Variants in ZNF800 observed in about 807,000 individuals in gnomAD.
The protein encoded by ZNF800 is zinc finger protein 800.
A neutral mutation model predicts 59.5 loss-of-function variants in ZNF800; 13 were observed. The observed-to-expected ratio is 0.22, with a 90% CI of 0.14 to 0.35. ZNF800 has a LOEUF of 0.35. Ranked by LOEUF, ZNF800 falls within the 10% of genes least tolerant of loss-of-function variation. The pLI, the probability that ZNF800 is intolerant of heterozygous loss-of-function variation, is 1.00. For missense variants in ZNF800, 621 were observed against 783.7 expected (o/e 0.79, Z 2.48); for synonymous variants, 266 against 265.7 (o/e 1.00, Z -0.01).
rs759406657 is a variant in ZNF800, at chr7:127,373,728, T to G, written c.1608A>C (p.Arg536=). 6.2e-7 allele frequency: 1 copy of G among 1,614,194 alleles called. No homozygotes were observed. Among genetic ancestry groups the G allele is most frequent in the Non-Finnish European group, 8.5e-7 (1 of 1,180,026 alleles). The change falls in exon 5 of 6, where the codon CGA becomes CGC. Residue 536 remains arginine, a synonymous_variant. Transcript: ENST00000265827. ...ACTTTTTATGAACCACAGTTATATG[T>G]CGTATCACATCACGTTTCCGACGAG... is the stretch of plus-strand genomic sequence containing the variant. ...YETRRKRDVI[R]HITVVHKKSS...
chr7:127,391,621 G>C lies in ZNF800; in HGVS notation c.-58-6C>G. The C allele has an allele frequency of 1.3e-6, 2 of 1,498,618 alleles. No individual in the cohort carries two copies. Among genetic ancestry groups the C allele is most frequent in the Non-Finnish European group, 1.9e-6 (2 of 1,075,882 alleles). The allele number at this position is 1,498,618 out of a possible 1,614,324, so 92.8% of individuals were successfully genotyped here. ...AGCTCTTCATTGCGGCGTGGCTGTTGAAAGAAGCACAAACCCGTCACTCGC... is the reference window on the plus strand; with the variant it reads ...AGCTCTTCATTGCGGCGTGGCTGTTCAAAGAAGCACAAACCCGTCACTCGC... On this transcript the variant is annotated splice_polypyrimidine_tract_variant and splice_region_variant and intron_variant, in intron 1 of 5. Transcript: ENST00000265827.
intron 2 of ZNF800, among the ~76,000 whole-genome samples, chr7:127,388,390 A>T (rs1381880480): frequency 1.3e-5 from 2 of 152,244 alleles, no homozygotes; most frequent in African/African-American, 4.8e-5. Flanking sequence ...TTTGCACATT[A>T]TAGCAACAGG....
intron 5 of ZNF800, among the ~76,000 whole-genome samples, chr7:127,372,286 G>C (rs1213994899): frequency 6.6e-6 from 1 of 151,918 alleles, no homozygotes; most frequent in Non-Finnish European, 1.5e-5. Flanking sequence ...TTTGAGACCA[G>C]CCTGACCAAC....
Position 127,377,321 on chromosome 7 carries a change from G to C in ZNF800, c.166C>G (p.Gln56Glu). Residue 56 changes from glutamine to glutamate, a missense_variant, in exon 4 of 6, where the codon CAA becomes GAA. This residue lies in a region of ZNF800 where 57 missense variants were observed against 77.1 expected (regional missense o/e 0.74). Coordinates refer to ENST00000265827, the MANE Select transcript of ZNF800 (RefSeq NM_176814.5). This position sits in a 1 kb window ranked among gnomAD's most constrained non-coding sequence, Gnocchi z 4.7. ...TCTTTTAATAAAATATGCTTAAGTT[G>C]TTTAGTTCCTGAGAGAAAAAAGAAA... ...IIECFRSGTK[Q>E]LKHILLKDVD... 1 of 1,600,288 alleles carries C rather than the reference G, an allele frequency of 6.2e-7. No homozygotes were observed. The highest frequency in any genetic ancestry group is 8.5e-7 in the Non-Finnish European group (1 of 1,173,274).
intron 1 of ZNF800, among the ~76,000 whole-genome samples, chr7:127,352,770 T>G (rs1800190827): frequency 6.6e-6 from 1 of 152,192 alleles, no homozygotes. Context: ...CCTCTCTGGA[T>G]GAACCAATAA....
chr7:127,390,747 C>T (rs2117223513), intron 2 of ZNF800, among the ~76,000 whole-genome samples: 1 of 152,152 alleles, frequency 6.6e-6, no homozygotes, highest in South Asian at 2.1e-4. Context: ...TAAGTTATAC[C>T]TTTTAATGAT....
At chr7:127,376,644 A>G (rs1395133818) in intron 4 of ZNF800, among the ~76,000 whole-genome samples, 1 of 151,976 alleles carries the variant, frequency 6.6e-6, no homozygotes, top group East Asian at 1.9e-4. Context: ...TTCTGAAAAC[A>G]AAACTGATCT....
Position 127,391,584 on chromosome 7 carries a change from T to C in ZNF800, c.-27A>G. 1.2e-6 allele frequency: 2 copies of C among 1,611,170 alleles called. No individual in the cohort carries two copies. The highest frequency in any genetic ancestry group is 3.3e-5 in the Admixed American group (2 of 60,012). ...TTCAGTGGACTCGACCTACTTTGCTTTCACTGTAAGAAGCTCTTCATTGCG... is the reference window on the plus strand; with the variant it reads ...TTCAGTGGACTCGACCTACTTTGCTCTCACTGTAAGAAGCTCTTCATTGCG... On this transcript the variant is annotated 5_prime_UTR_variant, in exon 2 of 6. Coordinates refer to ENST00000265827, the MANE Select transcript of ZNF800 (RefSeq NM_176814.5).
At chr7:127,383,409 T>C (rs1367549549) in intron 3 of ZNF800, among the ~76,000 whole-genome samples, 2 of 152,230 alleles carry the variant, frequency 1.3e-5, no homozygotes, top group African/African-American at 4.8e-5. Flanking sequence ...TATCTTCAAA[T>C]ATCTGTCAAA....
chr7:127,368,418 C>A (rs1337263869), downstream of ZNF800, among the ~76,000 whole-genome samples: 6 of 152,078 alleles, frequency 3.9e-5, no homozygotes, highest in African/African-American at 1.2e-4. Flanking sequence ...AACAGCACAG[C>A]CAATATCCTG....
Position 127,391,628 on chromosome 7 carries a change from G to T in ZNF800, c.-58-13C>A. 1 of 1,426,826 alleles carries T rather than the reference G, an allele frequency of 7.0e-7. No individual in the cohort carries two copies. The highest frequency in any genetic ancestry group is 9.9e-7 in the Non-Finnish European group (1 of 1,011,376). The allele number at this position is 1,426,826 out of a possible 1,614,324, so 88.4% of individuals were successfully genotyped here. ...CATTGCGGCGTGGCTGTTGAAAGAAGCACAAACCCGTCACTCGCCCTGAAC... is the reference window on the plus strand; with the variant it reads ...CATTGCGGCGTGGCTGTTGAAAGAATCACAAACCCGTCACTCGCCCTGAAC... On this transcript the variant is annotated splice_polypyrimidine_tract_variant and intron_variant, in intron 1 of 5. Transcript: ENST00000265827.
chr7:127,350,310 C>T (rs1800147244), intron 1 of ZNF800: 1 of 152,192 alleles, frequency 6.6e-6, no homozygotes, highest in South Asian at 2.1e-4. Flanking sequence ...GATTATGCCT[C>T]CGTTCTCTTT....
At chr7:127,389,949 T>G (rs192954432) in intron 2 of ZNF800, among the ~76,000 whole-genome samples, 399 of 148,404 alleles carry the variant, frequency 2.7e-3, no homozygotes, top group African/African-American at 9.4e-3. Flanking sequence ...AATCACAAAT[T>G]AGCTTATTTG....
exon 2 of ZNF800, chr7:127,347,852 G>A (rs1169365728): frequency 6.6e-6 from 1 of 151,314 alleles, no homozygotes; most frequent in Non-Finnish European, 1.5e-5. Flanking sequence ...GCCAGGCGGC[G>A]GCGCTCACGG....
chr7:127,378,599 G>T (rs564247405), intron 3 of ZNF800, among the ~76,000 whole-genome samples: 1 of 152,010 alleles, frequency 6.6e-6, no homozygotes, highest in East Asian at 1.9e-4. Flanking sequence ...ATATAGTAGG[G>T]TCTATAAAAG....
At chr7:127,354,417 G>T (rs541492917) in intron 1 of ZNF800, among the ~76,000 whole-genome samples, 24 of 152,026 alleles carry the variant, frequency 1.6e-4, no homozygotes, top group African/African-American at 5.8e-4. Context: ...TAGCAAAATG[G>T]AAAGTTCATG....
chr7:127,386,835 G>A (rs1033559531), intron 2 of ZNF800, among the ~76,000 whole-genome samples: 3 of 152,112 alleles, frequency 2.0e-5, no homozygotes, highest in African/African-American at 7.2e-5. Context: ...TCACAACAAA[G>A]GATGGCAATA....
At chr7:127,366,947 G>A (rs1230675235), downstream of ZNF800, among the ~76,000 whole-genome samples, 2 of 152,140 alleles carry the variant, frequency 1.3e-5, no homozygotes, top group Non-Finnish European at 2.9e-5. Context: ...TGTACAGAAG[G>A]GGAAAGTAGC....
downstream of ZNF800, among the ~76,000 whole-genome samples, chr7:127,344,454 C>G (rs1349289239): frequency 2.0e-5 from 3 of 152,006 alleles, no homozygotes; most frequent in Non-Finnish European, 4.4e-5. Context: ...CCAAATTAGT[C>G]TATATTGTTA....
Sources: gnomAD v4.1 joint callset for allele counts (sites outside exome capture counted in the v4.1 genomes callset) on GRCh38, gnomAD v4.1.1 for gene constraint, gnomAD v4.1.1 regional missense constraint, Gnocchi (gnomAD v3.1) non-coding constraint, MANE v1.5 for transcripts, NCBI Gene and HGNC (gene_info 2026-07-23, HGNC 2026-07-21) for gene names.